GTF2E2: variants seen among roughly 807,000 people sequenced by gnomAD.
The protein encoded by GTF2E2 is general transcription factor IIE subunit 2, also known as transcription initiation factor IIE subunit beta.
GTF2E2 carries 21 observed loss-of-function variants against 40.5 expected under a neutral mutation model. The ratio of observed to expected loss-of-function variants is 0.52; its 90% CI spans 0.37 to 0.75. GTF2E2 has a LOEUF of 0.75. Among genes scored for constraint, GTF2E2 ranks in the 30% least tolerant of loss-of-function variants. The probability of loss-of-function intolerance (pLI) is 0.00; values close to 1 mark genes in which losing one functional copy is unlikely to be tolerated. For synonymous variants in GTF2E2, 117 were observed against 121.6 expected (o/e 0.96, Z 0.25); for missense variants, 298 against 338.4 (o/e 0.88, Z 0.94).
Position 30,589,590 on chromosome 8 carries a change from T to C in GTF2E2, c.644-9194A>G, listed in dbSNP as rs1208396331. Among the ~76,000 whole-genome samples, 6 of 152,332 alleles carry C rather than the reference T, an allele frequency of 3.9e-5. No individual in the cohort carries two copies. The East Asian group carries it at 1.2e-3, about 29-fold the overall frequency. Reference sequence around the variant, plus strand: ...ATAAAAAATAAATTTTAAGTATAACTTAAGCAGGCAGGATTATAAAGACAA... The same window carrying C: ...ATAAAAAATAAATTTTAAGTATAACCTAAGCAGGCAGGATTATAAAGACAA... On this transcript the variant is annotated intron_variant, in intron 6 of 7. Coordinates refer to ENST00000355904, the MANE Select transcript of GTF2E2 (RefSeq NM_002095.6).
intron 6 of GTF2E2, among the ~76,000 whole-genome samples, chr8:30,593,165 A>G (rs1420884862): frequency 6.6e-6 from 1 of 152,224 alleles, no homozygotes; most frequent in African/African-American, 2.4e-5. Flanking sequence ...CACTCCAACC[A>G]GGGCAACAAG....
intron 6 of GTF2E2, among the ~76,000 whole-genome samples, chr8:30,587,871 TAAAAAAAA>T (rs58179732): frequency 1.9e-5 from 2 of 105,064 alleles, no homozygotes; most frequent in African/African-American, 7.7e-5. Flanking sequence ...GACTCCGTCT[TAAAAAAAA>T]AAAAAAAAAA....
At chr8:30,613,245 C>T (rs184036858) in intron 4 of GTF2E2, among the ~76,000 whole-genome samples, 24 of 152,332 alleles carry the variant, frequency 1.6e-4, no homozygotes, top group Non-Finnish European at 8.8e-5. Context: ...AGTCAATGGT[C>T]TTCCCCATCT....
At chr8:30,636,664 G>A (rs1036903455) in intron 2 of GTF2E2, among the ~76,000 whole-genome samples, 29 of 152,178 alleles carry the variant, frequency 1.9e-4, no homozygotes, top group African/African-American at 6.3e-4. Context: ...TCAGGAAATC[G>A]AGACCATCCT....
At chr8:30,645,792 T>A (rs1432875170) in intron 2 of GTF2E2, 1 of 553,738 alleles carries the variant, frequency 1.8e-6, no homozygotes, top group Admixed American at 3.4e-5. Flanking sequence ...ACAGTAAAAC[T>A]TCATGAATGT....
At chr8:30,582,333 T>C (rs185130270) in intron 6 of GTF2E2, among the ~76,000 whole-genome samples, 2 of 152,372 alleles carry the variant, frequency 1.3e-5, no homozygotes, top group South Asian at 2.1e-4. Flanking sequence ...CCTATATTTT[T>C]CTTTTTACAT....
intron 6 of GTF2E2, among the ~76,000 whole-genome samples, chr8:30,586,566 A>G (rs938831355): frequency 2.0e-5 from 3 of 152,232 alleles, no homozygotes; most frequent in Non-Finnish European, 4.4e-5. Context: ...GAAACACACA[A>G]AAAAACTGAA....
At chr8:30,622,848 A>G (rs188049333) in intron 3 of GTF2E2, among the ~76,000 whole-genome samples, 1 of 152,114 alleles carries the variant, frequency 6.6e-6, no homozygotes, top group East Asian at 1.9e-4. Context: ...GTCAGAGTTT[A>G]AGGTTATCTC....
At chr8:30,653,967 C>T (rs1199261371) in intron 1 of GTF2E2, among the ~76,000 whole-genome samples, 1 of 151,776 alleles carries the variant, frequency 6.6e-6, no homozygotes, top group Non-Finnish European at 1.5e-5. Flanking sequence ...TGTGTGCTTA[C>T]AGTCCCAGCT....
intron 2 of GTF2E2, among the ~76,000 whole-genome samples, chr8:30,642,109 C>A (rs1215584799): frequency 6.6e-6 from 1 of 152,124 alleles, no homozygotes; most frequent in African/African-American, 2.4e-5. Flanking sequence ...ACAACAGGCT[C>A]TTTTAAGTGA....
intron 2 of GTF2E2, chr8:30,645,786 T>A: frequency 1.8e-6 from 1 of 566,750 alleles, no homozygotes; most frequent in Non-Finnish European, 3.1e-6. Context: ...AAATATACAG[T>A]AAAACTTCAT....
At chr8:30,584,191 GCTTCC>G (rs757275070) in intron 6 of GTF2E2, among the ~76,000 whole-genome samples, 4 of 140,432 alleles carry the variant, frequency 2.8e-5, no homozygotes, top group Non-Finnish European at 4.8e-5. Flanking sequence ...TCCCTGACTT[GCTTCC>G]CTTTTTTTTT....
chr8:30,582,434 CT>C lies in GTF2E2; in HGVS notation c.644-2039del, dbSNP rs151128659. ...CTATATGCCCTTTATCCAGCTTCCC[CT>C]AATGTTAACACCTTACATAACTGTA... On this transcript the variant is annotated intron_variant, in intron 6 of 7. Transcript: ENST00000355904. Among the ~76,000 whole-genome samples, 428 of 152,328 alleles carry C rather than the reference CT, an allele frequency of 2.8e-3. 2 individuals carry two copies. The highest frequency in any genetic ancestry group is 9.9e-3 in the African/African-American group (413 of 41,568).
At chr8:30,631,929 G>A (rs887920391) in intron 3 of GTF2E2, among the ~76,000 whole-genome samples, 2 of 152,126 alleles carry the variant, frequency 1.3e-5, no homozygotes, top group African/African-American at 4.8e-5. Context: ...GCAACACTGA[G>A]AGACCCTGTC....
intron 6 of GTF2E2, among the ~76,000 whole-genome samples, chr8:30,598,986 T>C (rs999124546): frequency 6.6e-6 from 1 of 152,206 alleles, no homozygotes; most frequent in African/African-American, 2.4e-5. Context: ...AGCGAGACCC[T>C]GTCTCTATTT....
chr8:30,653,629 A>G (rs745996944), intron 1 of GTF2E2, 27 bp from the exon 2 acceptor site: 1 of 1,561,088 alleles, frequency 6.4e-7, no homozygotes, highest in Non-Finnish European at 8.7e-7. Flanking sequence ...AGTGTCTTTA[A>G]TACAAATTCA....
intron 5 of GTF2E2, among the ~76,000 whole-genome samples, chr8:30,609,241 G>C (rs1048524388): frequency 2.1e-5 from 3 of 145,040 alleles, no homozygotes; most frequent in Non-Finnish European, 4.5e-5. Flanking sequence ...ACACCAGCCA[G>C]GGCAACAGAA....
chr8:30,617,586 T>C (rs188483160), intron 3 of GTF2E2, among the ~76,000 whole-genome samples: 3 of 151,956 alleles, frequency 2.0e-5, no homozygotes, highest in East Asian at 3.9e-4. Context: ...TACCAAAAAA[T>C]TGCATATATA....
intron 5 of GTF2E2, among the ~76,000 whole-genome samples, chr8:30,611,420 A>G (rs1239717244): frequency 6.6e-6 from 1 of 152,196 alleles, no homozygotes; most frequent in African/African-American, 2.4e-5. Flanking sequence ...AGCTATAAGA[A>G]ATCATACTTA....
Sources: gnomAD v4.1 joint callset for allele counts (sites outside exome capture counted in the v4.1 genomes callset) on GRCh38, gnomAD v4.1.1 for gene constraint, MANE v1.5 for transcripts, NCBI Gene and HGNC (gene_info 2026-07-23, HGNC 2026-07-21) for gene names.